The following NRF1 variants were observed in gnomAD, a reference collection of about 807,000 sequenced individuals.
The protein encoded by NRF1 is alpha palindromic-binding protein.
A neutral mutation model predicts 58.5 loss-of-function variants in NRF1; 5 were observed. That is an observed-to-expected ratio of 0.09 (90% CI 0.04 to 0.18). The LOEUF is 0.18. Among genes scored for constraint, NRF1 ranks in the 10% least tolerant of loss-of-function variants. The pLI, the probability that NRF1 is intolerant of heterozygous loss-of-function variation, is 1.00. For missense variants in NRF1, 288 were observed against 657.7 expected (o/e 0.44, Z 6.15); for synonymous variants, 224 against 246.7 (o/e 0.91, Z 0.86).
At chr7:129,651,419 CAAAAAA>C (rs11319951) in intron 1 of NRF1, among the ~76,000 whole-genome samples, 1 of 133,832 alleles carries the variant, frequency 7.5e-6, no homozygotes. Context: ...GACTCTGTCT[CAAAAAA>C]AAAAAAAAAA....
chr7:129,634,041 A>AAATAT (rs1163693215), intron 1 of NRF1, among the ~76,000 whole-genome samples: 4 of 113,810 alleles, frequency 3.5e-5, no homozygotes, highest in African/African-American at 1.5e-4. Context: ...AAAAAAAAAA[A>AAATAT]AGATATATAT....
Position 129,657,492 on chromosome 7 carries a change from T to G in NRF1, c.141T>G (p.Ser47=), listed in dbSNP as rs1882094. 0.34 allele frequency: 547,055 copies of G among 1,613,256 alleles called. 101,771 individuals carry two copies. Among genetic ancestry groups the G allele is most frequent in the African/African-American group, 0.68 (51,209 of 74,872 alleles). ...MLSADEDSPS[S]PEDTSYDDSD... ...GTGCTGATGAAGACTCGCCTTCTTC[T>G]CCCGAGGACACCTCTTACGATGACT... The change falls in exon 2 of 11, where the codon TCT becomes TCG. Residue 47 remains serine, a synonymous_variant. Coordinates refer to ENST00000393232, the MANE Select transcript of NRF1 (RefSeq NM_005011.5).
chr7:129,622,226 G>T (rs35813096), intron 1 of NRF1, among the ~76,000 whole-genome samples: 87 of 152,026 alleles, frequency 5.7e-4, no homozygotes, highest in African/African-American at 1.8e-3. Context: ...ATGCATTAGC[G>T]TTTACGAGCA....
At chr7:129,689,651 TGTTAA>T (rs888919934) in intron 4 of NRF1, among the ~76,000 whole-genome samples, 4 of 152,228 alleles carry the variant, frequency 2.6e-5, no homozygotes, top group Non-Finnish European at 5.9e-5. Context: ...AGTGTGTTAC[TGTTAA>T]GTTGAGACAT....
chr7:129,707,466 A>AT (rs549766831), intron 5 of NRF1, among the ~76,000 whole-genome samples: 34 of 152,132 alleles, frequency 2.2e-4, no homozygotes, highest in Admixed American at 5.9e-4. Flanking sequence ...TGAGAAAGCC[A>AT]TTTTTTTTAA....
Position 129,703,688 on chromosome 7 carries a change from C to G in NRF1, c.607-5387C>G, listed in dbSNP as rs189943639. On this transcript the variant is annotated intron_variant, in intron 5 of 10. Transcript: ENST00000393232. ...AAACAAACTCTTATAGTAGAAAATA[C>G]CTTTTACTTCTTTTGGTATAGGGGC... is the stretch of plus-strand genomic sequence containing the variant. Among the ~76,000 whole-genome samples, 488 of 152,186 alleles carry G rather than the reference C, an allele frequency of 3.2e-3. 3 individuals carry two copies. Among genetic ancestry groups the G allele is most frequent in the African/African-American group, 0.011 (471 of 41,504 alleles).
At chr7:129,719,545 A>ACAC (rs1803272183) in intron 9 of NRF1, among the ~76,000 whole-genome samples, 3 of 93,094 alleles carry the variant, frequency 3.2e-5, no homozygotes, top group Non-Finnish European at 5.6e-5. Flanking sequence ...CACACACACA[A>ACAC]CACATCTTCT....
intron 1 of NRF1, among the ~76,000 whole-genome samples, chr7:129,625,296 T>C (rs748719223): frequency 6.6e-6 from 1 of 152,174 alleles, no homozygotes; most frequent in Non-Finnish European, 1.5e-5. Context: ...GTTACATCTC[T>C]AAGGACGCTT....
intron 5 of NRF1, among the ~76,000 whole-genome samples, chr7:129,690,934 T>C (rs1367746031): frequency 6.6e-6 from 1 of 152,262 alleles, no homozygotes; most frequent in Non-Finnish European, 1.5e-5. Context: ...CCTCTTTCAA[T>C]GTAAATTCTA....
At chr7:129,735,200 A>T (rs1803678482) in intron 10 of NRF1, 11 of 985,330 alleles carry the variant, frequency 1.1e-5, no homozygotes, top group Non-Finnish European at 1.2e-5. Context: ...CTCCCTCCTC[A>T]TGTTCTGAAT....
At position 129,727,222 on chromosome 7, in the gene NRF1, C is replaced by T. The variant is rs760708186; in HGVS notation, c.1224-19C>T. ...TGTTCCTCTATTCATCATCCTCTCT[C>T]CTGTTCCTGTGCCCGCAGCGAAGCT... is the stretch of plus-strand genomic sequence containing the variant. On this transcript the variant is annotated intron_variant, in intron 9 of 10. Coordinates refer to ENST00000393232, the MANE Select transcript of NRF1 (RefSeq NM_005011.5). 17 of 1,582,708 alleles carry T rather than the reference C, an allele frequency of 1.1e-5. No homozygotes were observed. In the East Asian group the frequency reaches 3.8e-4, roughly 36 times the overall value.
At position 129,671,860 on chromosome 7, in the gene NRF1, GA is replaced by G. The variant is rs950801466; in HGVS notation, c.338+324del. ...GCTTGTATCCTGCTAGAGGGGGAAA[GA>G]AAAAAACAATATGCAATATGTCAGC... is the stretch of plus-strand genomic sequence containing the variant. On this transcript the variant is annotated intron_variant, in intron 3 of 10. Coordinates refer to ENST00000393232, the MANE Select transcript of NRF1 (RefSeq NM_005011.5). 3.3e-5 allele frequency among the ~76,000 whole-genome samples: 5 copies of G among 151,860 alleles called. No individual in the cohort carries two copies. In the South Asian group the frequency reaches 8.3e-4, roughly 25 times the overall value.
Position 129,745,759 on chromosome 7 carries a change from G to A in NRF1, c.1349-9259G>A, listed in dbSNP as rs930898337. ...GGTTCTGAATACTGAAACACAGAGCGTTTCATAACGCTCCTGGGCATTGCC... is the reference window on the plus strand; with the variant it reads ...GGTTCTGAATACTGAAACACAGAGCATTTCATAACGCTCCTGGGCATTGCC... On this transcript the variant is annotated intron_variant, in intron 10 of 10. Transcript: ENST00000393232. Among the ~76,000 whole-genome samples, 5 of 152,164 alleles carry A rather than the reference G, an allele frequency of 3.3e-5. No homozygotes were observed. In the East Asian group the frequency reaches 5.8e-4, roughly 18 times the overall value.
At chr7:129,616,548 A>G (rs1238652237) in intron 1 of NRF1, among the ~76,000 whole-genome samples, 1 of 152,220 alleles carries the variant, frequency 6.6e-6, no homozygotes, top group Non-Finnish European at 1.5e-5. Context: ...TGCAGTGAGC[A>G]TAATCATGCC....
intron 1 of NRF1, among the ~76,000 whole-genome samples, chr7:129,640,541 C>T (rs904965166): frequency 6.6e-6 from 1 of 151,948 alleles, no homozygotes; most frequent in Non-Finnish European, 1.5e-5. Flanking sequence ...TACCGTACCC[C>T]CAGTAAAACC....
chr7:129,619,396 G>GTA (rs749333673), intron 1 of NRF1, among the ~76,000 whole-genome samples: 3,625 of 47,142 alleles, frequency 0.077, 119 homozygotes, highest in Non-Finnish European at 0.089. Flanking sequence ...TGGCATACGT[G>GTA]TATATATATA....
chr7:129,742,282 AAAAAAAAAAAC>A (rs770435866), intron 10 of NRF1, among the ~76,000 whole-genome samples: 10 of 151,524 alleles, frequency 6.6e-5, no homozygotes, highest in Non-Finnish European at 1.3e-4. Context: ...GATTAAAAAA[AAAAAAAAAAAC>A]AAAAAACTTT....
At chr7:129,696,091 C>G in intron 5 of NRF1, among the ~76,000 whole-genome samples, 1 of 102,772 alleles carries the variant, frequency 9.7e-6, no homozygotes, top group Admixed American at 1.1e-4. Context: ...AAAAAACAAC[C>G]AAATTAGCCG....
rs1266172400 is a variant in NRF1, at chr7:129,756,985, AAGCAAAACCCCAGT to A, written c.*1809_*1822del. 1 of 152,626 alleles carries A rather than the reference AAGCAAAACCCCAGT, an allele frequency of 6.6e-6. No homozygotes were observed. Among genetic ancestry groups the A allele is most frequent in the Non-Finnish European group, 1.5e-5 (1 of 68,040 alleles). The allele number at this position is 152,626 out of a possible 1,614,324, so 9.5% of individuals were successfully genotyped here. Reference sequence around the variant, plus strand: ...TGAGAAGTTGCCAAGACGAAGAAAAAAGCAAAACCCCAGTAGCAGAGCATGGATTCTGTGTTGTT... The same window carrying A: ...TGAGAAGTTGCCAAGACGAAGAAAAAAGCAGAGCATGGATTCTGTGTTGTT... On this transcript the variant is annotated 3_prime_UTR_variant, in exon 11 of 11. Transcript: ENST00000393232.
Sources: allele counts gnomAD v4.1 joint callset (sites outside exome capture counted in the v4.1 genomes callset), GRCh38; gene constraint gnomAD v4.1.1; transcripts MANE v1.5; gene names NCBI Gene and HGNC (gene_info 2026-07-23, HGNC 2026-07-21).